SCN2A: variants seen among roughly 807,000 people sequenced by gnomAD.
SCN2A encodes the protein sodium channel protein type 2 subunit alpha.
SCN2A carries 20 observed loss-of-function variants against 188.7 expected under a neutral mutation model. The ratio of observed to expected loss-of-function variants is 0.11; its 90% CI spans 0.07 to 0.15. The LOEUF is 0.15. Among genes scored for constraint, SCN2A ranks in the 10% least tolerant of loss-of-function variants. SCN2A has a pLI of 1.00. For missense variants in SCN2A, 1,278 were observed against 2,445.0 expected, an observed-to-expected ratio of 0.52 and a Z score of 10.07; for synonymous variants, 804 against 833.1, an observed-to-expected ratio of 0.97 and a Z score of 0.60.
chr2:165,270,637 C>A (rs968010304), intron 1 of SCN2A: 1 of 152,162 alleles, frequency 6.6e-6, no homozygotes, highest in Non-Finnish European at 1.5e-5. Context: ...CTAATTTTCT[C>A]ATCTGCTATT....
intron 1 of SCN2A, among the ~76,000 whole-genome samples, chr2:165,293,085 C>T (rs1357968869): frequency 2.6e-5 from 4 of 152,202 alleles, no homozygotes; most frequent in African/African-American, 9.6e-5. Flanking sequence ...TTGTGTGGCA[C>T]AGGCCATCTC....
chr2:165,386,572 T>A (rs1701885275), intron 25 of SCN2A, among the ~76,000 whole-genome samples, 174 bp from the exon 26 acceptor site: 1 of 152,102 alleles, frequency 6.6e-6, no homozygotes. Flanking sequence ...GCAAGTTACC[T>A]CAGCTCTCCA....
intron 1 of SCN2A, among the ~76,000 whole-genome samples, chr2:165,262,608 G>C (rs769872755): frequency 1.7e-4 from 26 of 151,762 alleles, no homozygotes; most frequent in Non-Finnish European, 3.5e-4. Flanking sequence ...AATTATATAT[G>C]TATATACACA....
chr2:165,386,240 C>A (rs1701862884), intron 25 of SCN2A, among the ~76,000 whole-genome samples: 1 of 151,794 alleles, frequency 6.6e-6, no homozygotes, highest in African/African-American at 2.4e-5. Flanking sequence ...TCGAGGTGGG[C>A]AGATCATTAG....
chr2:165,258,729 T>G (rs1694440126), intron 1 of SCN2A, among the ~76,000 whole-genome samples: 1 of 152,176 alleles, frequency 6.6e-6, no homozygotes, highest in African/African-American at 2.4e-5. Context: ...GTGATACATA[T>G]ATACCATGGA....
chr2:165,311,965 G>C (rs1043918754), intron 7 of SCN2A, 60 bp from the exon 8 acceptor site: 12 of 1,187,704 alleles, frequency 1.0e-5, no homozygotes, highest in Non-Finnish European at 1.4e-5. Context: ...ACCTAAACAG[G>C]GTGGCTGAAG....
chr2:165,366,304 AT>A (rs1700722854), intron 18 of SCN2A, among the ~76,000 whole-genome samples: 1 of 152,146 alleles, frequency 6.6e-6, no homozygotes, highest in African/African-American at 2.4e-5. Context: ...GTTCTATGCA[AT>A]TTTTTGACAA....
intron 1 of SCN2A, among the ~76,000 whole-genome samples, chr2:165,281,481 G>C (rs1695581601): frequency 6.6e-6 from 1 of 151,968 alleles, no homozygotes; most frequent in Non-Finnish European, 1.5e-5. Flanking sequence ...CATGAGCTGG[G>C]AGTGTCTGGA....
At chr2:165,280,861 C>T (rs1270196857) in intron 1 of SCN2A, among the ~76,000 whole-genome samples, 1 of 152,122 alleles carries the variant, frequency 6.6e-6, no homozygotes, top group African/African-American at 2.4e-5. Flanking sequence ...GGAACCTGAC[C>T]TAAGACATGT....
chr2:165,283,305 G>T (rs1695664212), intron 1 of SCN2A, among the ~76,000 whole-genome samples: 1 of 152,188 alleles, frequency 6.6e-6, no homozygotes, highest in East Asian at 1.9e-4. Context: ...AGGTTGTTGG[G>T]AATATGTGAT....
chr2:165,367,976 G>GTTAACATTTAACAT (rs1212467123), intron 19 of SCN2A, among the ~76,000 whole-genome samples: 1 of 152,186 alleles, frequency 6.6e-6, no homozygotes, highest in African/African-American at 2.4e-5. Flanking sequence ...TGGCTTAAAT[G>GTTAACATTTAACAT]TTAACAGTTC....
At chr2:165,345,629 G>C (rs368050330) in intron 16 of SCN2A, among the ~76,000 whole-genome samples, 9 of 151,528 alleles carry the variant, frequency 5.9e-5, no homozygotes, top group African/African-American at 1.9e-4. Context: ...TGTGAGATGG[G>C]TCACAGCACA....
At chr2:165,278,236 G>T (rs1386810531) in intron 1 of SCN2A, among the ~76,000 whole-genome samples, 1 of 152,166 alleles carries the variant, frequency 6.6e-6, no homozygotes. Context: ...TAAGACACTG[G>T]TAGAGTATAT....
chr2:165,300,133 A>G (rs1266091790), intron 3 of SCN2A, among the ~76,000 whole-genome samples: 1 of 152,226 alleles, frequency 6.6e-6, no homozygotes, highest in Non-Finnish European at 1.5e-5. Flanking sequence ...CAAACAAGTT[A>G]AAAATAATCT....
At chr2:165,258,668 G>C (rs1694435897) in intron 1 of SCN2A, among the ~76,000 whole-genome samples, 1 of 152,152 alleles carries the variant, frequency 6.6e-6, no homozygotes, top group Admixed American at 6.5e-5. Flanking sequence ...CAATAGCAAA[G>C]ACATGGCATC....
intron 1 of SCN2A, among the ~76,000 whole-genome samples, chr2:165,257,398 A>G (rs139053705): frequency 6.6e-5 from 10 of 152,278 alleles, no homozygotes; most frequent in African/African-American, 1.4e-4. Context: ...AGTGAATCAC[A>G]TGATTTTTTT....
intron 1 of SCN2A, among the ~76,000 whole-genome samples, chr2:165,281,973 C>G (rs962997881): frequency 6.6e-6 from 1 of 152,276 alleles, no homozygotes; most frequent in African/African-American, 2.4e-5. Context: ...ACTACCTGCA[C>G]CCCTGCTCCC....
At position 165,389,998 on chromosome 2, in the gene SCN2A, A is replaced by G. The variant is rs1186435170; in HGVS notation, c.*174A>G. The G allele has an allele frequency of 1.0e-6, 1 of 997,276 alleles. No homozygotes were observed. 61.8% of individuals were successfully genotyped at this position (997,276 alleles called of 1,614,324 possible). A position where few individuals can be genotyped will look rare whatever the true frequency, so the allele number is the denominator to read the frequency against. ...AGAGACCTCTGGTCAGCAAACTGGA[A>G]CTCAGTAAACTGGAGAAATAGTATC... On this transcript the variant is annotated 3_prime_UTR_variant, in exon 27 of 27. Transcript: ENST00000375437. The surrounding 1 kb of genome is among the most constrained non-coding windows in gnomAD (Gnocchi z 4.2).
chr2:165,296,412 T>C, intron 2 of SCN2A: 1 of 310,414 alleles, frequency 3.2e-6, no homozygotes, highest in Non-Finnish European at 6.1e-6. Flanking sequence ...TCCCTAATAA[T>C]GTTGAGAAGC....
Sources: gnomAD v4.1 joint callset for allele counts (sites outside exome capture counted in the v4.1 genomes callset) on GRCh38, gnomAD v4.1.1 for gene constraint, Gnocchi (gnomAD v3.1) non-coding constraint, MANE v1.5 for transcripts, NCBI Gene and HGNC (gene_info 2026-07-23, HGNC 2026-07-21) for gene names.